The following TGM7 variants were observed in gnomAD, a reference collection of about 807,000 sequenced individuals.
TGM7 encodes protein-glutamine gamma-glutamyltransferase Z.
TGM7 carries 74 observed loss-of-function variants against 79.5 expected under a neutral mutation model. The ratio of observed to expected loss-of-function variants is 0.93; its 90% CI spans 0.77 to 1.13. The LOEUF (loss-of-function observed/expected upper bound fraction) is 1.13. Among genes scored for constraint, TGM7 ranks in the 50% most tolerant of loss-of-function variants. The probability of loss-of-function intolerance (pLI) is 0.00; values close to 1 mark genes in which losing one functional copy is unlikely to be tolerated. For synonymous variants in TGM7, 354 were observed against 362.5 expected (o/e 0.98, Z 0.27); for missense variants, 912 against 905.9 (o/e 1.01, Z -0.09).
rs118152309 is a variant in TGM7, at chr15:43,282,425, C to T, written c.1108+92G>A. Reference sequence around the variant, plus strand: ...CTCGGGAAGAGGGTGCCGTGGAAAACGCTGCTCCTCCCTGGTCTCCTGCTC... The same window carrying T: ...CTCGGGAAGAGGGTGCCGTGGAAAATGCTGCTCCTCCCTGGTCTCCTGCTC... On this transcript the variant is annotated intron_variant, in intron 8 of 12. Transcript: ENST00000452443. The T allele has an allele frequency of 4.8e-3, 5,413 of 1,130,418 alleles. 17 individuals carry two copies. Among genetic ancestry groups the T allele is most frequent in the Non-Finnish European group, 6.3e-3 (4,929 of 778,338 alleles). The allele number at this position is 1,130,418 out of a possible 1,614,324, so 70.0% of individuals were successfully genotyped here.
At chr15:43,285,064 G>T (rs2042928583) in intron 6 of TGM7, 112 bp from the exon 7 acceptor site, 1 of 1,206,332 alleles carries the variant, frequency 8.3e-7, no homozygotes, top group Non-Finnish European at 1.2e-6. Context: ...GACGCTTACG[G>T]AACCACACCA....
chr15:43,294,864 G>C (rs1235339492), intron 1 of TGM7, among the ~76,000 whole-genome samples: 2 of 151,246 alleles, frequency 1.3e-5, no homozygotes, highest in African/African-American at 4.9e-5. Context: ...TTCCACAGAG[G>C]TTCTTAATGT....
intron 1 of TGM7, among the ~76,000 whole-genome samples, chr15:43,296,058 G>A (rs1050905432): frequency 6.6e-6 from 1 of 152,310 alleles, no homozygotes; most frequent in African/African-American, 2.4e-5. Flanking sequence ...AACATACAAT[G>A]CATCACACAT....
chr15:43,276,529 G>A lies in TGM7; in HGVS notation c.2059C>T (p.Leu687Phe). Reference protein sequence around the residue: ...TKAGPRQLQVLISSNEVKEIK... With the variant: ...TKAGPRQLQVFISSNEVKEIK... Reference sequence around the variant, plus strand: ...TCCTTGACCTCGTTGCTGCTGATGAGAACCTGGAGCTGGCGGGGTCCAGCT... The same window carrying A: ...TCCTTGACCTCGTTGCTGCTGATGAAAACCTGGAGCTGGCGGGGTCCAGCT... The change falls in exon 13 of 13, where the codon CTC becomes TTC. Residue 687 changes from leucine (L) to phenylalanine (F), a missense_variant. Physicochemically the swap from Leu to Phe is conservative, Grantham distance 22 (BLOSUM62 0). Transcript: ENST00000452443. The A allele has an allele frequency of 6.2e-7, 1 of 1,614,206 alleles. No homozygotes were observed. The highest frequency in any genetic ancestry group is 8.5e-7 in the Non-Finnish European group (1 of 1,180,032).
intron 7 of TGM7, among the ~76,000 whole-genome samples, chr15:43,284,375 C>T (rs2042924569): frequency 6.6e-6 from 1 of 151,992 alleles, no homozygotes; most frequent in African/African-American, 2.4e-5. Flanking sequence ...CATATACATG[C>T]ACAGACACAT....
At chr15:43,285,223 C>T (rs2142407988) in intron 6 of TGM7, among the ~76,000 whole-genome samples, 1 of 152,302 alleles carries the variant, frequency 6.6e-6, no homozygotes, top group African/African-American at 2.4e-5. Context: ...AGGAGTCTTT[C>T]CACTCAGCAG....
Position 43,287,620 on chromosome 15 carries a change from A to G in TGM7, c.608T>C (p.Leu203Pro). The G allele has an allele frequency of 1.9e-6, 3 of 1,614,170 alleles. No homozygotes were observed. Among genetic ancestry groups the G allele is most frequent in the South Asian group, 1.1e-5 (1 of 91,076 alleles). Residue 203 changes from leucine (L) to proline (P), a missense_variant, in exon 5 of 13, where the codon CTG becomes CCG. Coordinates refer to ENST00000452443, the MANE Select transcript of TGM7 (RefSeq NM_052955.3). The part of the protein sequence containing the change: ...DICFEILNKS[L>P]YHLKNPAKDC... ...TTTGGCCGGGTTCTTTAAGTGATAC[A>G]GGCTCTTGTTCAGGATCTCAAAGCA...
intron 7 of TGM7, among the ~76,000 whole-genome samples, chr15:43,282,825 C>T (rs1380186430): frequency 6.6e-5 from 10 of 152,200 alleles, no homozygotes; most frequent in Admixed American, 5.2e-4. Context: ...CCGAAGTGGG[C>T]GGATCACGAG....
intron 1 of TGM7, among the ~76,000 whole-genome samples, chr15:43,297,617 G>GAAAGAAAA (rs913739713): frequency 6.6e-6 from 1 of 150,802 alleles, no homozygotes; most frequent in African/African-American, 2.5e-5. Flanking sequence ...AAGAAAGAAA[G>GAAAGAAAA]AAAGAAAGAA....
intron 3 of TGM7, among the ~76,000 whole-genome samples, chr15:43,292,376 T>C (rs1292034095): frequency 1.3e-5 from 2 of 152,182 alleles, no homozygotes; most frequent in African/African-American, 2.4e-5. Flanking sequence ...AAAATACAGA[T>C]AGATGGGTAG....
chr15:43,294,594 G>A (rs760503992), intron 1 of TGM7, among the ~76,000 whole-genome samples: 12 of 152,174 alleles, frequency 7.9e-5, no homozygotes, highest in Non-Finnish European at 1.8e-4. Context: ...GGAATCATGC[G>A]TTCTTGAATT....
At chr15:43,301,494 G>A (rs2043024991) in intron 1 of TGM7, among the ~76,000 whole-genome samples, 1 of 151,670 alleles carries the variant, frequency 6.6e-6, no homozygotes, top group South Asian at 2.1e-4. Flanking sequence ...GCCGTGTATG[G>A]TGGCAGGCAC....
At chr15:43,286,247 A>C (rs1283654659) in intron 6 of TGM7, among the ~76,000 whole-genome samples, 1 of 152,122 alleles carries the variant, frequency 6.6e-6, no homozygotes, top group Non-Finnish European at 1.5e-5. Flanking sequence ...CAGCTCCCCC[A>C]GTGCGCAGTG....
At chr15:43,281,694 C>G (rs998852634) in intron 9 of TGM7, 150 bp downstream of exon 9, 2 of 1,204,428 alleles carry the variant, frequency 1.7e-6, no homozygotes, top group African/African-American at 1.5e-5. Context: ...TACCCTAGGG[C>G]CACATGCCTG....
Position 43,287,473 on chromosome 15 carries a change from A to T in TGM7, c.688-16T>A. 6.2e-7 allele frequency: 1 copy of T among 1,613,570 alleles called. No homozygotes were observed. The highest frequency in any genetic ancestry group is 1.1e-5 in the South Asian group (1 of 91,078). On this transcript the variant is annotated splice_polypyrimidine_tract_variant and intron_variant, in intron 5 of 12. Coordinates refer to ENST00000452443, the MANE Select transcript of TGM7 (RefSeq NM_052955.3). ...TGCTGTTGATCTGCAGAGGACAGAC[A>T]GGTGGGTTTCCACAGCTCCCGGGGA...
At chr15:43,285,446 GT>G (rs1480486935) in intron 6 of TGM7, among the ~76,000 whole-genome samples, 1 of 152,182 alleles carries the variant, frequency 6.6e-6, no homozygotes, top group Non-Finnish European at 1.5e-5. Flanking sequence ...TGAAAATTTA[GT>G]TCCGAAATGT....
At chr15:43,298,451 A>G (rs2043010752) in intron 1 of TGM7, among the ~76,000 whole-genome samples, 1 of 152,162 alleles carries the variant, frequency 6.6e-6, no homozygotes, top group Non-Finnish European at 1.5e-5. Flanking sequence ...ATTCATCAAT[A>G]TTTATTACAA....
At chr15:43,285,661 G>A (rs1199250077) in intron 6 of TGM7, among the ~76,000 whole-genome samples, 1 of 152,120 alleles carries the variant, frequency 6.6e-6, no homozygotes, top group Non-Finnish European at 1.5e-5. Flanking sequence ...GGACAAGATA[G>A]ACTTCTAGAG....
intron 6 of TGM7, among the ~76,000 whole-genome samples, chr15:43,285,492 T>A (rs2042930860): frequency 6.6e-6 from 1 of 152,060 alleles, no homozygotes; most frequent in Non-Finnish European, 1.5e-5. Flanking sequence ...AGGGTACACA[T>A]GAAGGTTTGT....
Sources: gnomAD v4.1 joint callset for allele counts (sites outside exome capture counted in the v4.1 genomes callset) on GRCh38, gnomAD v4.1.1 for gene constraint, MANE v1.5 for transcripts, NCBI Gene and HGNC (gene_info 2026-07-23, HGNC 2026-07-21) for gene names.